Variants in VAV2 observed in about 807,000 individuals in gnomAD.
The protein encoded by VAV2 is guanine nucleotide exchange factor VAV2.
VAV2 carries 67 observed loss-of-function variants against 132.5 expected under a neutral mutation model. The ratio of observed to expected loss-of-function variants is 0.51; its 90% CI spans 0.42 to 0.62. The LOEUF (loss-of-function observed/expected upper bound fraction) is 0.62, where lower values mean the gene tolerates loss of function less well. Among genes scored for constraint, VAV2 ranks in the 20% least tolerant of loss-of-function variants. VAV2 has a pLI of 0.00. For synonymous variants in VAV2, 492 were observed against 443.5 expected (o/e 1.11, Z -1.37); for missense variants, 938 against 1,153.6 (o/e 0.81, Z 2.71).
intron 1 of VAV2, among the ~76,000 whole-genome samples, chr9:133,972,044 A>G (rs181288104): frequency 4.6e-5 from 7 of 152,274 alleles, no homozygotes; most frequent in Admixed American, 4.6e-4. Flanking sequence ...GCGGATGCAG[A>G]CCAAGCCCCA....
chr9:133,776,136 G>A, intron 23 of VAV2, 56 bp from the exon 24 acceptor site: 3 of 1,594,146 alleles, frequency 1.9e-6, no homozygotes, highest in South Asian at 2.2e-5. Context: ...ACAGAGCAGG[G>A]CTCAGAGGGG....
intron 4 of VAV2, among the ~76,000 whole-genome samples, chr9:133,816,921 T>C (rs1362021497): frequency 1.3e-5 from 2 of 152,252 alleles, no homozygotes; most frequent in Admixed American, 1.3e-4. Flanking sequence ...AATCACGTAA[T>C]GTAAATCTAG....
chr9:133,784,456 G>A, intron 17 of VAV2, 38 bp from the exon 18 acceptor site: 2 of 1,608,736 alleles, frequency 1.2e-6, no homozygotes, highest in Non-Finnish European at 1.7e-6. Context: ...TACACCCACT[G>A]GATTCCCCGA....
rs554153468 is a variant in VAV2 at position 133,806,029 on chromosome 9, C to G, written c.836+52G>C. ...CACAAGAGTTCCACTTGTGTAAACT[C>G]TCCCGCAGACAGGGAGGGGCCAAGG... On this transcript the variant is annotated intron_variant, in intron 9 of 29. Transcript: ENST00000371850. The G allele has an allele frequency of 1.5e-4, 233 of 1,569,058 alleles. No individual in the cohort carries two copies. In the African/African-American group the frequency reaches 2.0e-3, roughly 14 times the overall value.
intron 1 of VAV2, among the ~76,000 whole-genome samples, chr9:133,958,383 A>G (rs1457966688): frequency 1.3e-5 from 2 of 149,636 alleles, no homozygotes; most frequent in Non-Finnish European, 3.0e-5. Context: ...GCGGGCAGCA[A>G]TACTGCTTTG....
rs749672575 is a variant in VAV2, at chr9:133,795,768, C to T, written c.1033-32G>A. ...GGGTGAGAAGAGTGTCATGTGTTAC[C>T]ACTCGGGGGTTCTGGCCTCTGCCCT... On this transcript the variant is annotated intron_variant, in intron 11 of 29. Transcript: ENST00000371850. The T allele has an allele frequency of 6.2e-6, 10 of 1,608,180 alleles. No individual in the cohort carries two copies. In the Admixed American group the frequency reaches 1.2e-4, roughly 19 times the overall value.
intron 2 of VAV2, among the ~76,000 whole-genome samples, chr9:133,902,910 T>C (rs1385734443): frequency 6.6e-6 from 1 of 151,916 alleles, no homozygotes; most frequent in Non-Finnish European, 1.5e-5. Context: ...ACCCCATCTC[T>C]ACTAAAAATA....
In VAV2 at chr9:133,764,046, G is replaced by C; in HGVS notation, c.*16C>G. On this transcript the variant is annotated 3_prime_UTR_variant, in exon 30 of 30. Coordinates refer to ENST00000371850, the MANE Select transcript of VAV2 (RefSeq NM_001134398.2). ...TCTCCCAAGAAAATCTGCGAGTCTT[G>C]TCCACGTTCCTGCCGTCACTGGATG... is the stretch of plus-strand genomic sequence containing the variant. 6.2e-7 allele frequency: 1 copy of C among 1,614,024 alleles called. No homozygotes were observed. The highest frequency in any genetic ancestry group is 8.5e-7 in the Non-Finnish European group (1 of 1,179,976).
intron 2 of VAV2, among the ~76,000 whole-genome samples, chr9:133,911,575 T>A (rs1839885851): frequency 6.6e-6 from 1 of 152,132 alleles, no homozygotes; most frequent in African/African-American, 2.4e-5. Flanking sequence ...CCCAAAATGT[T>A]TTCTAGTGCC....
Position 133,935,531 on chromosome 9 carries a change from C to A in VAV2, c.321+3572G>T. Among the ~76,000 whole-genome samples the A allele has an allele frequency of 6.6e-6, 1 of 152,190 alleles. No homozygotes were observed. The highest frequency in any genetic ancestry group is 1.9e-4 in the East Asian group (1 of 5,184). On this transcript the variant is annotated intron_variant, in intron 2 of 29. Transcript: ENST00000371850. This position sits in a 1 kb window ranked among gnomAD's most constrained non-coding sequence, Gnocchi z 5.2. Reference sequence around the variant, plus strand: ...ACGCCCCGGCCCAGCAAGAGGTCCCCAGGAGTCTGAGCACCTGGGCAGACC... The same window carrying A: ...ACGCCCCGGCCCAGCAAGAGGTCCCAAGGAGTCTGAGCACCTGGGCAGACC...
At chr9:133,844,874 T>A (rs943162055) in intron 3 of VAV2, among the ~76,000 whole-genome samples, 6 of 152,238 alleles carry the variant, frequency 3.9e-5, no homozygotes, top group Admixed American at 3.9e-4. Flanking sequence ...GTCAGCACTC[T>A]CTGTGCCCGA....
rs1308108389 is a variant in VAV2, at chr9:133,884,972, G to A, written c.322-23540C>T. Among the ~76,000 whole-genome samples the A allele has an allele frequency of 2.0e-5, 3 of 152,340 alleles. No homozygotes were observed. The highest frequency in any genetic ancestry group is 4.8e-5 in the African/African-American group (2 of 41,588). The stretch of plus-strand genomic sequence containing the variant: ...TGAGCCAGCCACAGTGACAGGTGGA[G>A]CCTAGATCATTCCAAAGACTCCAAA... On this transcript the variant is annotated intron_variant, in intron 2 of 29. Coordinates refer to ENST00000371850, the MANE Select transcript of VAV2 (RefSeq NM_001134398.2). This position sits in a 1 kb window ranked among gnomAD's most constrained non-coding sequence, Gnocchi z 5.3.
chr9:133,780,137 A>C, intron 20 of VAV2, 198 bp from the exon 21 acceptor site: 2 of 657,676 alleles, frequency 3.0e-6, no homozygotes, highest in South Asian at 2.0e-5. Context: ...GTGCACCTCC[A>C]CTCCTGGAAG....
At chr9:133,944,775 AG>A (rs1841299605) in intron 1 of VAV2, among the ~76,000 whole-genome samples, 1 of 152,234 alleles carries the variant, frequency 6.6e-6, no homozygotes. Context: ...ACACTGTCTC[AG>A]GGGCTGACTC....
At chr9:133,977,224 G>T (rs1278867858) in intron 1 of VAV2, among the ~76,000 whole-genome samples, 1 of 152,246 alleles carries the variant, frequency 6.6e-6, no homozygotes, top group African/African-American at 2.4e-5. Flanking sequence ...CATCCAATGG[G>T]TGCCTGGTGT....
At chr9:133,875,038 G>A (rs971711488) in intron 2 of VAV2, among the ~76,000 whole-genome samples, 1 of 152,188 alleles carries the variant, frequency 6.6e-6, no homozygotes, top group African/African-American at 2.4e-5. Flanking sequence ...AAGAACAAGG[G>A]TGGGAATGAG....
rs573499786 is a variant in VAV2 at position 133,794,183 on chromosome 9, C to T, written c.1101+1485G>A. On this transcript the variant is annotated intron_variant, in intron 12 of 29. Transcript: ENST00000371850. This position sits in a 1 kb window ranked among gnomAD's most constrained non-coding sequence, Gnocchi z 4.6. ...GTCACTGTCTCAGAGCCCCCGAGGA[C>T]GCATCCACGCTGGCTCACACACCGT... Among the ~76,000 whole-genome samples, 101 of 152,252 alleles carry T rather than the reference C, an allele frequency of 6.6e-4. No homozygotes were observed. The highest frequency in any genetic ancestry group is 3.4e-3 in the Middle Eastern group (1 of 294).
chr9:133,801,310 G>A (rs1024825387), intron 9 of VAV2, among the ~76,000 whole-genome samples: 5 of 152,248 alleles, frequency 3.3e-5, no homozygotes, highest in Non-Finnish European at 7.3e-5. Flanking sequence ...CGGGCTCACT[G>A]CATCCTCACA....
At chr9:133,839,394 T>C (rs1836625416) in intron 3 of VAV2, among the ~76,000 whole-genome samples, 1 of 151,990 alleles carries the variant, frequency 6.6e-6, no homozygotes, top group African/African-American at 2.4e-5. Context: ...GGGTGTCAGA[T>C]ATTCTCAGGC....
Sources: gnomAD v4.1 joint callset for allele counts (sites outside exome capture counted in the v4.1 genomes callset) on GRCh38, gnomAD v4.1.1 for gene constraint, Gnocchi (gnomAD v3.1) non-coding constraint, MANE v1.5 for transcripts, NCBI Gene and HGNC (gene_info 2026-07-23, HGNC 2026-07-21) for gene names.